Variants in NALCN observed in about 807,000 individuals in gnomAD.
NALCN encodes sodium leak channel NALCN.
Under a neutral mutation model 225.3 loss-of-function variants are expected in NALCN, and 111 were observed. The ratio of observed to expected loss-of-function variants is 0.49; its 90% CI spans 0.42 to 0.58. NALCN has a LOEUF of 0.58. Among genes scored for constraint, NALCN ranks in the 20% least tolerant of loss-of-function variants. The probability of loss-of-function intolerance (pLI) is 0.00; values close to 1 mark genes in which losing one functional copy is unlikely to be tolerated. For missense variants in NALCN, 1,378 were observed against 2,202.4 expected (o/e 0.63, Z 7.49); for synonymous variants, 764 against 769.0 (o/e 0.99, Z 0.11).
Position 101,241,461 on chromosome 13 carries a change from C to T in NALCN, c.1267-3539G>A, listed in dbSNP as rs180906818. 8.4e-3 allele frequency among the ~76,000 whole-genome samples: 1,283 copies of T among 152,052 alleles called. 10 individuals are homozygous for T. The highest frequency in any genetic ancestry group is 0.028 in the South Asian group (133 of 4,808). ...AACCTTTTTTTTTCTTTTTCTGAGA[C>T]AGAGTCTTACTCTGTCACCCAGTCT... On this transcript the variant is annotated intron_variant, in intron 11 of 43. Coordinates refer to ENST00000251127, the MANE Select transcript of NALCN (RefSeq NM_052867.4).
intron 26 of NALCN, among the ~76,000 whole-genome samples, chr13:101,101,496 G>C (rs2034820629): frequency 4.6e-5 from 7 of 151,984 alleles, no homozygotes; most frequent in Admixed American, 4.6e-4. Flanking sequence ...GGTCAGGCTG[G>C]TCTTGAACTC....
At chr13:101,067,315 AGGGGGAAGAGGAG>A (rs2032496256) in intron 39 of NALCN, among the ~76,000 whole-genome samples, 2 of 48,092 alleles carry the variant, frequency 4.2e-5, no homozygotes, top group African/African-American at 2.1e-4. Context: ...GGGGAAGAGG[AGGGGGAAGAGGAG>A]GGGGAAGAAG....
At chr13:101,388,312 C>T (rs1361300323) in intron 3 of NALCN, among the ~76,000 whole-genome samples, 1 of 151,988 alleles carries the variant, frequency 6.6e-6, no homozygotes, top group East Asian at 1.9e-4. Flanking sequence ...GTTAACAGTG[C>T]AATATTACTA....
At chr13:101,111,536 C>A (rs2035437141) in intron 18 of NALCN, among the ~76,000 whole-genome samples, 1 of 152,130 alleles carries the variant, frequency 6.6e-6, no homozygotes, top group African/African-American at 2.4e-5. Context: ...ACACCATAAG[C>A]AGAAGGCCAG....
At chr13:101,185,309 C>T (rs1411051479) in intron 14 of NALCN, among the ~76,000 whole-genome samples, 1 of 152,158 alleles carries the variant, frequency 6.6e-6, no homozygotes, top group Non-Finnish European at 1.5e-5. Flanking sequence ...CTGCCACTAC[C>T]GAGGCAAAAT....
chr13:101,121,522 T>A (rs991241170), intron 18 of NALCN, among the ~76,000 whole-genome samples: 3 of 152,152 alleles, frequency 2.0e-5, no homozygotes, highest in Non-Finnish European at 4.4e-5. Context: ...AGCCTCCCTA[T>A]ACTGCTGTTA....
Position 101,062,075 on chromosome 13 carries a change from G to C in NALCN, c.4648C>G (p.Leu1550Val). The C allele has an allele frequency of 6.2e-7, 1 of 1,614,124 alleles. No homozygotes were observed. The highest frequency in any genetic ancestry group is 2.2e-5 in the East Asian group (1 of 44,874). ...RSVDIRKSLQ[L>V]EELLAREQLE... ...TGCTCCCTCGCCAGGAGTTCCTCCA[G>C]CTGCAAGCTCTTCCGGATGTCCACG... is the stretch of plus-strand genomic sequence containing the variant. The change falls in exon 41 of 44, where the codon CTG (leucine) becomes GTG (valine). Residue 1550 changes from leucine to valine, a missense_variant. Around this residue, in one of 19 missense-constraint regions of NALCN, gnomAD observed 94 missense variants for 170.3 expected, o/e 0.55. Transcript: ENST00000251127.
In NALCN at chr13:101,148,627, C is replaced by T. The variant is rs74119265; in HGVS notation, c.1840-3731G>A. ...GTTCTCTTTTCCCTGAGACTGTAAA[C>T]TTGGTGAGGACAGGAACCATGCAGG... On this transcript the variant is annotated intron_variant, in intron 15 of 43. Coordinates refer to ENST00000251127, the MANE Select transcript of NALCN (RefSeq NM_052867.4). 1.4e-3 allele frequency among the ~76,000 whole-genome samples: 208 copies of T among 152,296 alleles called. 1 individual carries two copies. Among genetic ancestry groups the T allele is most frequent in the African/African-American group, 4.5e-3 (185 of 41,568 alleles).
At chr13:101,269,204 A>G (rs1283888534) in intron 10 of NALCN, among the ~76,000 whole-genome samples, 1 of 87,586 alleles carries the variant, frequency 1.1e-5, no homozygotes, top group Non-Finnish European at 2.2e-5. Flanking sequence ...AAAGAGTAGA[A>G]AAAGCTCATA....
intron 17 of NALCN, among the ~76,000 whole-genome samples, chr13:101,141,689 A>C (rs903478870): frequency 6.6e-6 from 1 of 151,982 alleles, no homozygotes; most frequent in African/African-American, 2.4e-5. Context: ...GAGGAGAAAA[A>C]GGGGAGGCGA....
In NALCN at chr13:101,369,000, T is replaced by C. The variant is rs142996668; in HGVS notation, c.644+7700A>G. On this transcript the variant is annotated intron_variant, in intron 6 of 43. Coordinates refer to ENST00000251127, the MANE Select transcript of NALCN (RefSeq NM_052867.4). ...CAGCCTGGGTGTCAGAGTGAGAGTC[T>C]GTCTCAAAAAAACAACAACAAAAAA... The C allele has an allele frequency of 4.2e-4, 153 of 366,998 alleles. 1 individual carries two copies. In the East Asian group the frequency reaches 0.014, roughly 33 times the overall value. 22.7% of individuals were successfully genotyped at this position (366,998 alleles called of 1,614,324 possible). A position where few individuals can be genotyped will look rare whatever the true frequency, so the allele number is the denominator to read the frequency against.
chr13:101,403,124 C>A (rs2047523216), intron 1 of NALCN, among the ~76,000 whole-genome samples: 1 of 152,166 alleles, frequency 6.6e-6, no homozygotes, highest in Non-Finnish European at 1.5e-5. Flanking sequence ...CTCAGTGTAT[C>A]TTCTTATTTC....
intron 13 of NALCN, among the ~76,000 whole-genome samples, chr13:101,225,726 T>A (rs1359692769): frequency 6.6e-6 from 1 of 152,162 alleles, no homozygotes; most frequent in East Asian, 1.9e-4. Flanking sequence ...GAGATGCTGC[T>A]GAAAAACTTG....
chr13:101,231,757 T>C (rs1191586872), intron 12 of NALCN, among the ~76,000 whole-genome samples: 1 of 152,202 alleles, frequency 6.6e-6, no homozygotes, highest in East Asian at 1.9e-4. Flanking sequence ...TTTTTAAAAA[T>C]TAGATTTTAA....
intron 10 of NALCN, among the ~76,000 whole-genome samples, chr13:101,260,627 T>C (rs2042393644): frequency 6.6e-6 from 1 of 152,224 alleles, no homozygotes; most frequent in Admixed American, 6.5e-5. Context: ...ATCAATGATG[T>C]TGAACACCTT....
intron 13 of NALCN, among the ~76,000 whole-genome samples, chr13:101,208,222 A>G (rs1052129313): frequency 5.3e-5 from 8 of 151,982 alleles, no homozygotes; most frequent in Non-Finnish European, 1.2e-4. Flanking sequence ...CGACGGGAGG[A>G]ACAAACAACT....
At chr13:101,238,650 T>C (rs1371564974) in intron 11 of NALCN, among the ~76,000 whole-genome samples, 1 of 151,982 alleles carries the variant, frequency 6.6e-6, no homozygotes, top group Non-Finnish European at 1.5e-5. Flanking sequence ...GTAAAGGAGA[T>C]TGCAGCTGGA....
At chr13:101,284,812 A>AG (rs2043283508) in intron 9 of NALCN, among the ~76,000 whole-genome samples, 1 of 152,182 alleles carries the variant, frequency 6.6e-6, no homozygotes, top group Admixed American at 6.5e-5. Flanking sequence ...ATTATCTCCT[A>AG]GGTATCATCA....
At chr13:101,235,425 GT>G (rs2041517340) in intron 12 of NALCN, among the ~76,000 whole-genome samples, 1 of 152,102 alleles carries the variant, frequency 6.6e-6, no homozygotes, top group Non-Finnish European at 1.5e-5. Context: ...TAATAGCTTT[GT>G]AAAAAAGGTA....
Sources: allele counts gnomAD v4.1 joint callset (sites outside exome capture counted in the v4.1 genomes callset), GRCh38; gene constraint gnomAD v4.1.1; regional missense constraint gnomAD v4.1.1; transcripts MANE v1.5; gene names NCBI Gene and HGNC (gene_info 2026-07-23, HGNC 2026-07-21).